ESR2: variants seen among roughly 807,000 people sequenced by gnomAD.
ESR2 encodes estrogen receptor beta.
In ESR2, 36 loss-of-function variants were observed where a neutral mutation model predicts 49.6. The ratio of observed to expected loss-of-function variants is 0.73; its 90% CI spans 0.56 to 0.96. The LOEUF is 0.96. Among genes scored for constraint, ESR2 ranks in the 40% least tolerant of loss-of-function variants. ESR2 has a pLI of 0.00. For missense variants in ESR2, 714 were observed against 693.0 expected (o/e 1.03, Z -0.34); for synonymous variants, 320 against 266.1 (o/e 1.20, Z -1.97).
In ESR2 at chr14:64,232,668, AC is replaced by A. The variant is rs1182100099; in HGVS notation, c.*468del. 1.9e-5 allele frequency: 3 copies of A among 156,774 alleles called. No homozygotes were observed. The highest frequency in any genetic ancestry group is 1.2e-4 in the Admixed American group (2 of 16,294). 9.7% of individuals were successfully genotyped at this position (156,774 alleles called of 1,614,324 possible). ...AATTGCCACAGGGGTTTTCAATCTT[AC>A]AATGGAGTGGTCCGGAAAACAGCAA... On this transcript the variant is annotated 3_prime_UTR_variant, in exon 9 of 9. Transcript: ENST00000341099.
intron 1 of ESR2, among the ~76,000 whole-genome samples, chr14:64,322,020 C>G (rs900428716): frequency 9.9e-5 from 15 of 151,960 alleles, no homozygotes; most frequent in Non-Finnish European, 2.9e-5. Context: ...TGTAACAAAC[C>G]TGCACATGTA....
At chr14:64,292,964 C>T (rs1429115039) in intron 1 of ESR2, among the ~76,000 whole-genome samples, 2 of 152,152 alleles carry the variant, frequency 1.3e-5, no homozygotes, top group Non-Finnish European at 2.9e-5. Context: ...TGTTAACAAG[C>T]ATCTGATGGC....
chr14:64,292,703 T>C (rs2076892252), intron 1 of ESR2, among the ~76,000 whole-genome samples: 1 of 152,196 alleles, frequency 6.6e-6, no homozygotes, highest in Non-Finnish European at 1.5e-5. Flanking sequence ...TTTTGAATTA[T>C]TATGTGTTCA....
intron 6 of ESR2, among the ~76,000 whole-genome samples, chr14:64,253,108 A>G (rs887108572): frequency 3.9e-5 from 6 of 152,120 alleles, no homozygotes; most frequent in African/African-American, 1.4e-4. Flanking sequence ...CACTCACCTC[A>G]GCCTCCCAAA....
At chr14:64,316,105 G>A (rs1263886738) in intron 1 of ESR2, among the ~76,000 whole-genome samples, 1 of 152,022 alleles carries the variant, frequency 6.6e-6, no homozygotes, top group Non-Finnish European at 1.5e-5. Context: ...GAACTCCTAG[G>A]CTCAAGACAT....
At chr14:64,298,279 G>A (rs927044872), upstream of ESR2, 4 of 152,078 alleles carry the variant, frequency 2.6e-5, no homozygotes, top group Non-Finnish European at 5.9e-5. Context: ...AAATTCCCTG[G>A]GACTGTCTAT....
chr14:64,284,169 T>A (rs2076743953), intron 1 of ESR2, among the ~76,000 whole-genome samples: 1 of 151,968 alleles, frequency 6.6e-6, no homozygotes, highest in Non-Finnish European at 1.5e-5. Context: ...TCTCGAGTGA[T>A]CCACCTGCCT....
chr14:64,255,422 A>G (rs1352409047), intron 6 of ESR2, among the ~76,000 whole-genome samples: 2 of 151,976 alleles, frequency 1.3e-5, no homozygotes, highest in African/African-American at 4.8e-5. Flanking sequence ...CAGTGGGGAG[A>G]GTGGGTTTCT....
At chr14:64,264,732 A>G (rs751558342) in intron 4 of ESR2, among the ~76,000 whole-genome samples, 1 of 152,054 alleles carries the variant, frequency 6.6e-6, no homozygotes, top group Non-Finnish European at 1.5e-5. Flanking sequence ...TTAGCCAGGC[A>G]TGGTGGTGCA....
rs561007200 is a variant in ESR2, at chr14:64,256,602, AC to A, written c.1091+623del. ...AAATTAGCCTGGCATGGTGGTGGAC[AC>A]CTGTGATCCCAACTACTTGAGAGGC... On this transcript the variant is annotated intron_variant, in intron 6 of 8. Transcript: ENST00000341099. Among the ~76,000 whole-genome samples the A allele has an allele frequency of 1.1e-4, 17 of 152,192 alleles. No individual in the cohort carries two copies. In the South Asian group the frequency reaches 3.3e-3, roughly 30 times the overall value.
At chr14:64,271,612 C>A (rs2076448424) in intron 3 of ESR2, among the ~76,000 whole-genome samples, 1 of 152,224 alleles carries the variant, frequency 6.6e-6, no homozygotes, top group South Asian at 2.1e-4. Flanking sequence ...AGGCATGAGG[C>A]ACTGCAATTG....
At chr14:64,337,744 T>C (rs34422347) in intron 1 of ESR2, among the ~76,000 whole-genome samples, 1,711 of 152,156 alleles carry the variant, frequency 0.011, 60 homozygotes, top group East Asian at 0.088. Flanking sequence ...CCTCAGAATA[T>C]AGGAATAAGA....
chr14:64,287,047 T>C (rs899485803), intron 1 of ESR2, among the ~76,000 whole-genome samples: 5 of 151,878 alleles, frequency 3.3e-5, no homozygotes, highest in Non-Finnish European at 7.4e-5. Flanking sequence ...TCTTTTTTAA[T>C]TGTGTTAAAA....
downstream of ESR2, chr14:64,228,042 G>A: frequency 2.1e-6 from 3 of 1,431,380 alleles, no homozygotes; most frequent in Middle Eastern, 1.8e-4. Context: ...TGTATACACA[G>A]GACCTGTGGT....
chr14:64,238,287 C>T (rs993144819), intron 7 of ESR2, among the ~76,000 whole-genome samples: 1 of 152,044 alleles, frequency 6.6e-6, no homozygotes, highest in Non-Finnish European at 1.5e-5. Context: ...TCAGCCACAG[C>T]GGTTTGGGGA....
chr14:64,294,794 C>T (rs2076932410), upstream of ESR2, among the ~76,000 whole-genome samples: 1 of 152,220 alleles, frequency 6.6e-6, no homozygotes, highest in Non-Finnish European at 1.5e-5. Context: ...AAATCCCCAG[C>T]AGCAAACGTA....
chr14:64,302,294 CT>C (rs2077032991), intron 1 of ESR2, among the ~76,000 whole-genome samples: 3 of 151,862 alleles, frequency 2.0e-5, no homozygotes, highest in Admixed American at 2.0e-4. Flanking sequence ...TCATGCCATT[CT>C]CCTGCCTCGG....
chr14:64,244,100 TAG>T (rs75370541), intron 7 of ESR2, among the ~76,000 whole-genome samples: 11,569 of 152,120 alleles, frequency 0.076, 537 homozygotes, highest in Non-Finnish European at 0.097. Flanking sequence ...AGACTGGCAT[TAG>T]AGTCAGTGGA....
chr14:64,227,380 A>G, downstream of ESR2: 3 of 764,986 alleles, frequency 3.9e-6, no homozygotes, highest in Middle Eastern at 7.2e-4. Flanking sequence ...GATAATAGAA[A>G]GGAAGGTGGT....
Sources: gnomAD v4.1 joint callset for allele counts (sites outside exome capture counted in the v4.1 genomes callset) on GRCh38, gnomAD v4.1.1 for gene constraint, MANE v1.5 for transcripts, NCBI Gene and HGNC (gene_info 2026-07-23, HGNC 2026-07-21) for gene names.